XKR9: variants seen among roughly 807,000 people sequenced by gnomAD.
XKR9 encodes XK-related protein 9.
A neutral mutation model predicts 32.0 loss-of-function variants in XKR9; 32 were observed. That is an observed-to-expected ratio of 1.00 (90% CI 0.76 to 1.34). The LOEUF is 1.34. Ranked by LOEUF, XKR9 falls within the 40% of genes most tolerant of loss-of-function variation. XKR9 has a pLI of 0.00. For missense variants in XKR9, 546 were observed against 429.7 expected, an observed-to-expected ratio of 1.27 and a Z score of -2.39; for synonymous variants, 168 against 143.4, an observed-to-expected ratio of 1.17 and a Z score of -1.22.
At chr8:70,963,268 A>G in the XKR9 span, among the ~76,000 whole-genome samples, 1 of 152,262 alleles carries the variant, frequency 6.6e-6, no homozygotes. Flanking sequence ...GGCTCCTAGC[A>G]TCACTCATGT....
chr8:71,045,641 C>G, the XKR9 span, among the ~76,000 whole-genome samples: 1 of 152,174 alleles, frequency 6.6e-6, no homozygotes, highest in Non-Finnish European at 1.5e-5. Flanking sequence ...TGGTGTGCCA[C>G]GCGCAGTTCC....
chr8:70,859,385 G>A, the XKR9 span, among the ~76,000 whole-genome samples: 1 of 152,062 alleles, frequency 6.6e-6, no homozygotes, highest in Non-Finnish European at 1.5e-5. Flanking sequence ...GATGTGAAGA[G>A]AGGGGAACCC....
chr8:70,847,361 A>G, the XKR9 span, among the ~76,000 whole-genome samples: 39 of 151,956 alleles, frequency 2.6e-4, no homozygotes, highest in Non-Finnish European at 3.5e-4. Context: ...AAGGAAGTTT[A>G]TATTAATGAA....
chr8:70,923,466 C>G, the XKR9 span, among the ~76,000 whole-genome samples: 1 of 152,254 alleles, frequency 6.6e-6, no homozygotes, highest in Non-Finnish European at 1.5e-5. Flanking sequence ...GTCTCACTCT[C>G]AGAGGCAAAT....
the XKR9 span, among the ~76,000 whole-genome samples, chr8:70,864,102 TTGAGCAC>T: frequency 6.6e-6 from 1 of 152,214 alleles, no homozygotes; most frequent in African/African-American, 2.4e-5. Flanking sequence ...CAAGCATTTA[TTGAGCAC>T]TGGCTATGTG....
At chr8:70,899,189 C>CACA in the XKR9 span, among the ~76,000 whole-genome samples, 1 of 152,052 alleles carries the variant, frequency 6.6e-6, no homozygotes, top group South Asian at 2.1e-4. Context: ...CGGTGTAAGG[C>CACA]ATTTTATTGT....
the XKR9 span, among the ~76,000 whole-genome samples, chr8:71,016,505 A>C: frequency 6.6e-6 from 1 of 152,184 alleles, no homozygotes; most frequent in African/African-American, 2.4e-5. Context: ...TAAGCAGAAC[A>C]TCTGGACCTA....
At chr8:70,689,198 A>G (rs967078371) in intron 3 of XKR9, among the ~76,000 whole-genome samples, 1 of 152,124 alleles carries the variant, frequency 6.6e-6, no homozygotes, top group Non-Finnish European at 1.5e-5. Flanking sequence ...TGGGAAGAGA[A>G]TAAGGATAGT....
At chr8:70,962,047 G>A in the XKR9 span, among the ~76,000 whole-genome samples, 3 of 152,040 alleles carry the variant, frequency 2.0e-5, no homozygotes, top group South Asian at 2.1e-4. Flanking sequence ...TCCCAATAAA[G>A]CATTATTTGA....
chr8:70,944,107 T>C, the XKR9 span, among the ~76,000 whole-genome samples: 1 of 151,948 alleles, frequency 6.6e-6, no homozygotes, highest in Non-Finnish European at 1.5e-5. Flanking sequence ...GTTAAACTTG[T>C]GCTTCTCAGA....
At chr8:71,047,952 A>T in the XKR9 span, among the ~76,000 whole-genome samples, 3 of 152,222 alleles carry the variant, frequency 2.0e-5, no homozygotes, top group Admixed American at 6.5e-5. Context: ...GGTAACCCCC[A>T]AGTGGTAACT....
intron 2 of XKR9, among the ~76,000 whole-genome samples, chr8:70,777,666 G>T (rs562788080): frequency 6.6e-6 from 1 of 152,116 alleles, no homozygotes; most frequent in African/African-American, 2.4e-5. Flanking sequence ...GCATGAGATG[G>T]TATCTCATTG....
chr8:71,005,515 C>T, the XKR9 span, among the ~76,000 whole-genome samples: 16 of 152,072 alleles, frequency 1.1e-4, no homozygotes, highest in African/African-American at 2.9e-4. Flanking sequence ...TGAGCCACCA[C>T]ATCCTGTCCA....
chr8:70,786,108 C>G (rs1807685231), intron 2 of XKR9, among the ~76,000 whole-genome samples: 1 of 151,996 alleles, frequency 6.6e-6, no homozygotes, highest in East Asian at 1.9e-4. Context: ...GTATTGATTT[C>G]TATTTTTATA....
the XKR9 span, among the ~76,000 whole-genome samples, chr8:70,853,619 G>A: frequency 6.6e-6 from 1 of 151,242 alleles, no homozygotes; most frequent in Admixed American, 6.6e-5. Flanking sequence ...ATGTATACAT[G>A]TGCCATGTAA....
At chr8:70,750,811 G>T (rs114217174) in intron 2 of XKR9, among the ~76,000 whole-genome samples, 60 of 152,268 alleles carry the variant, frequency 3.9e-4, no homozygotes, top group African/African-American at 1.4e-3. Flanking sequence ...TTCTGTGATG[G>T]TTAATTTTAT....
chr8:71,062,160 A>G, the XKR9 span, among the ~76,000 whole-genome samples: 1 of 152,092 alleles, frequency 6.6e-6, no homozygotes, highest in South Asian at 2.1e-4. Context: ...GTTGGTGGCC[A>G]TTTTGCCGTC....
At chr8:70,859,638 A>G in the XKR9 span, among the ~76,000 whole-genome samples, 1,539 of 152,286 alleles carry the variant, frequency 0.01, 24 homozygotes, top group African/African-American at 0.035. Flanking sequence ...TATATACACA[A>G]TGGAATACTA....
chr8:70,844,906 A>C, the XKR9 span, among the ~76,000 whole-genome samples: 2 of 152,192 alleles, frequency 1.3e-5, no homozygotes, highest in Non-Finnish European at 2.9e-5. Flanking sequence ...CCAGGGGACC[A>C]AGGATCTGCC....
Sources: gnomAD v4.1 joint callset for allele counts (sites outside exome capture counted in the v4.1 genomes callset) on GRCh38, gnomAD v4.1.1 for gene constraint, MANE v1.5 for transcripts, NCBI Gene and HGNC (gene_info 2026-07-23, HGNC 2026-07-21) for gene names.